Variants in CEP290 observed in about 807,000 individuals in gnomAD.
CEP290 encodes the protein centrosomal protein 290.
In CEP290, 317 loss-of-function variants were observed where a neutral mutation model predicts 344.9. The observed-to-expected ratio is 0.92, with a 90% CI of 0.84 to 1.01. The LOEUF (loss-of-function observed/expected upper bound fraction) is 1.01. CEP290 is among the 50% of genes least tolerant of loss of function. CEP290 has a pLI of 0.00. For synonymous variants in CEP290, 932 were observed against 895.8 expected (o/e 1.04, Z -0.72); for missense variants, 2,754 against 2,761.4 (o/e 1.00, Z 0.06).
chr12:88,101,004 C>G (rs1348984451), intron 26 of CEP290, among the ~76,000 whole-genome samples: 1 of 152,062 alleles, frequency 6.6e-6, no homozygotes, highest in Admixed American at 6.5e-5. Context: ...TAGCTTTTGA[C>G]AGTTTTTAAG....
At chr12:88,088,274 A>C (rs1426453856) in intron 31 of CEP290, among the ~76,000 whole-genome samples, 1 of 152,180 alleles carries the variant, frequency 6.6e-6, no homozygotes, top group Non-Finnish European at 1.5e-5. Context: ...GAAATCCTAA[A>C]TGTTTCTAGC....
chr12:88,110,937 G>A (rs750125980), intron 22 of CEP290, among the ~76,000 whole-genome samples: 1 of 152,062 alleles, frequency 6.6e-6, no homozygotes, highest in Non-Finnish European at 1.5e-5. Flanking sequence ...TGCTCATGCA[G>A]ATGAATGGAA....
intron 37 of CEP290, among the ~76,000 whole-genome samples, chr12:88,082,090 A>C (rs1193307453): frequency 6.6e-6 from 1 of 152,236 alleles, no homozygotes; most frequent in African/African-American, 2.4e-5. Flanking sequence ...AAATGGAATT[A>C]TAAGTCAAGC....
rs570411235 is a variant in CEP290, at chr12:88,111,079, G to A, written c.2367+123C>T. ...ATATTGAGAAAAGTACTATCTGCATGCTTTGGTGATGGAAAAATTAAAATA... is the reference window on the plus strand; with the variant it reads ...ATATTGAGAAAAGTACTATCTGCATACTTTGGTGATGGAAAAATTAAAATA... On this transcript the variant is annotated intron_variant, in intron 22 of 53. Transcript: ENST00000552810. The A allele has an allele frequency of 7.7e-6, 4 of 520,082 alleles. No homozygotes were observed. The South Asian group carries it at 2.3e-4, about 30-fold the overall frequency. The allele number at this position is 520,082 out of a possible 1,614,324, so 32.2% of individuals were successfully genotyped here. A position where few individuals can be genotyped will look rare whatever the true frequency, so the allele number is the denominator to read the frequency against.
At position 88,059,024 on chromosome 12, in the gene CEP290, T is replaced by C. The variant is rs1395035284; in HGVS notation, c.6646-4A>G. The C allele has an allele frequency of 3.1e-6, 5 of 1,602,430 alleles. No homozygotes were observed. Among genetic ancestry groups the C allele is most frequent in the Non-Finnish European group, 4.3e-6 (5 of 1,173,162 alleles). ...ATTTCTCTGCAGCATCAGTTTCCTA[T>C]CATTAAATGCTAATTAGTATTTTAT... On this transcript the variant is annotated splice_polypyrimidine_tract_variant and splice_region_variant and intron_variant, in intron 48 of 53. Coordinates refer to ENST00000552810, the MANE Select transcript of CEP290 (RefSeq NM_025114.4).
At chr12:88,051,208 T>C (rs2136580531) in intron 52 of CEP290, among the ~76,000 whole-genome samples, 1 of 149,184 alleles carries the variant, frequency 6.7e-6, no homozygotes, top group African/African-American at 2.5e-5. Flanking sequence ...TTTTTTTTTT[T>C]TTTTTTTGAG....
intron 2 of CEP290, 70 bp downstream of exon 2, chr12:88,141,134 TAA>T: frequency 7.7e-7 from 1 of 1,305,390 alleles, no homozygotes; most frequent in Non-Finnish European, 1.0e-6. Context: ...CTGAAAAAAA[TAA>T]ATTCATATTT....
chr12:88,088,925 T>A, intron 31 of CEP290, 107 bp downstream of exon 31: 1 of 680,032 alleles, frequency 1.5e-6, no homozygotes, highest in Non-Finnish European at 2.3e-6. Flanking sequence ...GGCTAGAGAG[T>A]CCCTTGAGCC....
intron 21 of CEP290, 67 bp downstream of exon 21, chr12:88,111,627 T>C: frequency 2.2e-6 from 3 of 1,353,206 alleles, no homozygotes; most frequent in Non-Finnish European, 2.0e-6. Flanking sequence ...TTTTAAAAAA[T>C]TAAAAATTTC....
chr12:88,113,519 T>C (rs557414511), intron 20 of CEP290, among the ~76,000 whole-genome samples: 2 of 152,164 alleles, frequency 1.3e-5, no homozygotes, highest in East Asian at 1.9e-4. Context: ...AATTACTGAT[T>C]AATCATGATT....
In CEP290 at chr12:88,139,513, C is replaced by T; in HGVS notation, c.232G>A (p.Glu78Lys). The part of the protein sequence containing the change: ...LALEEVEKAG[E>K]EQAKFENQLK... Reference sequence around the variant, plus strand: ...TGCTTACCAAATTTTGCTTGTTCTTCTCCAGCTTTTTCTACTTCTTCCAAA... The same window carrying T: ...TGCTTACCAAATTTTGCTTGTTCTTTTCCAGCTTTTTCTACTTCTTCCAAA... The change falls in exon 4 of 54, where the codon GAA (glutamate) becomes AAA (lysine). Residue 78 changes from glutamate (E) to lysine (K), a missense_variant. Glu to Lys is a moderately conservative substitution (Grantham distance 56, BLOSUM62 1). Coordinates refer to ENST00000552810, the MANE Select transcript of CEP290 (RefSeq NM_025114.4). The T allele has an allele frequency of 6.3e-7, 1 of 1,597,666 alleles. No individual in the cohort carries two copies. The highest frequency in any genetic ancestry group is 8.5e-7 in the Non-Finnish European group (1 of 1,173,012).
chr12:88,055,876 G>C (rs1228789128), intron 49 of CEP290, among the ~76,000 whole-genome samples, 159 bp from the exon 50 acceptor site: 1 of 152,094 alleles, frequency 6.6e-6, no homozygotes, highest in African/African-American at 2.4e-5. Flanking sequence ...GCATTAAAAA[G>C]TGGTGGCAAG....
intron 25 of CEP290, 26 bp downstream of exon 25, chr12:88,106,649 A>G: frequency 6.5e-7 from 1 of 1,534,292 alleles, no homozygotes; most frequent in Non-Finnish European, 8.8e-7. Flanking sequence ...CATAGTCAGA[A>G]AAAGCAAAAT....
chr12:88,079,940 A>G (rs1183288537), intron 38 of CEP290, among the ~76,000 whole-genome samples: 1 of 152,168 alleles, frequency 6.6e-6, no homozygotes, highest in Non-Finnish European at 1.5e-5. Context: ...GATTTTTCCT[A>G]ACTTCATATA....
In CEP290 at chr12:88,126,416, T is replaced by A; in HGVS notation, c.965A>T (p.Asp322Val). 1 of 1,511,910 alleles carries A rather than the reference T, an allele frequency of 6.6e-7. No individual in the cohort carries two copies. Among genetic ancestry groups the A allele is most frequent in the Non-Finnish European group, 8.8e-7 (1 of 1,135,034 alleles). 93.7% of individuals were successfully genotyped at this position (1,511,910 alleles called of 1,614,324 possible). A position where few individuals can be genotyped will look rare whatever the true frequency, so the allele number is the denominator to read the frequency against. Reference protein sequence around the residue: ...EWKLILSSKDDEIIEYQQMLH... With the variant: ...EWKLILSSKDVEIIEYQQMLH... ...CATTTGCTGATACTCAATAATTTCA[T>A]CATCTTTAGAAGACAAAATTAGCTA... Residue 322 changes from aspartate (D) to valine (V), a missense_variant, in exon 12 of 54, where the codon GAT (aspartate) becomes GTT (valine). Physicochemically the swap from Asp to Val is radical, Grantham distance 152. Transcript: ENST00000552810.
rs2138021345 is a variant in CEP290, at chr12:88,126,321, G to A, written c.1060C>T (p.Gln354Ter). The A allele has an allele frequency of 2.0e-6, 3 of 1,477,918 alleles. No individual in the cohort carries two copies. Among genetic ancestry groups the A allele is most frequent in the South Asian group, 2.9e-5 (2 of 68,850 alleles). The allele number at this position is 1,477,918 out of a possible 1,614,324, so 91.6% of individuals were successfully genotyped here. A position where few individuals can be genotyped will look rare whatever the true frequency, so the allele number is the denominator to read the frequency against. Residue 354 changes from glutamine (Q) to a stop codon, truncating the protein, a stop_gained, in exon 12 of 54, where the codon CAG becomes TAG. Transcript: ENST00000552810. LOFTEE classifies it high-confidence loss of function. ...AAATTCTGTTAAGATTTTACCTGCTGTAGAGCCATAACATTACTTTTATCA... is the reference window on the plus strand; with the variant it reads ...AAATTCTGTTAAGATTTTACCTGCTATAGAGCCATAACATTACTTTTATCA... ...DADKSNVMAL[Q>*]QGIQERDSQI...
chr12:88,114,029 G>A (rs2038885638), intron 20 of CEP290, among the ~76,000 whole-genome samples: 1 of 151,986 alleles, frequency 6.6e-6, no homozygotes, highest in Non-Finnish European at 1.5e-5. Flanking sequence ...CAATTGCAGA[G>A]ATCTATCATC....
In CEP290 at chr12:88,090,785, T is replaced by C. The variant is rs1262065530; in HGVS notation, c.3516A>G (p.Gln1172=). 1 of 1,563,132 alleles carries C rather than the reference T, an allele frequency of 6.4e-7. No homozygotes were observed. Among genetic ancestry groups the C allele is most frequent in the South Asian group, 1.2e-5 (1 of 84,890 alleles). The change falls in exon 30 of 54, where the codon CAA becomes CAG. Residue 1172 remains glutamine (Q), a synonymous_variant. Coordinates refer to ENST00000552810, the MANE Select transcript of CEP290 (RefSeq NM_025114.4). The stretch of plus-strand genomic sequence containing the variant: ...CTACTTCCTTGTCCCTAGATTGTTG[T>C]TGTGCATTCAAAATTTCAACTTGTC... ...ARRQVEILNA[Q]QQSRDKEVES...
At chr12:88,121,245 A>T in intron 13 of CEP290, 79 bp from the exon 14 acceptor site, 1 of 1,032,630 alleles carries the variant, frequency 9.7e-7, no homozygotes, top group Non-Finnish European at 1.4e-6. Flanking sequence ...TGGTGGCAAG[A>T]AAAGTGGTAT....
Sources: allele counts gnomAD v4.1 joint callset (sites outside exome capture counted in the v4.1 genomes callset), GRCh38; gene constraint gnomAD v4.1.1; transcripts MANE v1.5; gene names NCBI Gene and HGNC (gene_info 2026-07-23, HGNC 2026-07-21).